The following ZFHX3 variants were observed in gnomAD, a reference collection of about 807,000 sequenced individuals.
The protein encoded by ZFHX3 is zinc finger homeobox protein 3.
A neutral mutation model predicts 279.1 loss-of-function variants in ZFHX3; 42 were observed. The observed-to-expected ratio is 0.15, with a 90% CI of 0.12 to 0.19. The LOEUF is 0.19. ZFHX3 is among the 10% of genes least tolerant of loss of function. The probability of loss-of-function intolerance (pLI) is 1.00; values close to 1 mark genes in which losing one functional copy is unlikely to be tolerated. For synonymous variants in ZFHX3, 2,293 were observed against 1,957.8 expected, an observed-to-expected ratio of 1.17 and a Z score of -4.52; for missense variants, 4,981 against 4,754.0, an observed-to-expected ratio of 1.05 and a Z score of -1.40.
intron 4 of ZFHX3, among the ~76,000 whole-genome samples, chr16:73,290,159 G>C (rs1432002830): frequency 6.6e-6 from 1 of 152,162 alleles, no homozygotes; most frequent in African/African-American, 2.4e-5. Context: ...CTAGGCACAG[G>C]GGAATCAGGA....
chr16:73,818,965 T>C (rs1287240321), intron 1 of ZFHX3, among the ~76,000 whole-genome samples: 3 of 152,084 alleles, frequency 2.0e-5, no homozygotes, highest in African/African-American at 7.2e-5. Context: ...GAGAACTCAG[T>C]GAAATAATCA....
At chr16:73,655,819 G>A (rs2052716507) in intron 2 of ZFHX3, among the ~76,000 whole-genome samples, 1 of 152,128 alleles carries the variant, frequency 6.6e-6, no homozygotes, top group Non-Finnish European at 1.5e-5. Flanking sequence ...TAGTCATGCT[G>A]AAGATGTCAT....
At chr16:73,855,489 C>T (rs1456622589) in intron 1 of ZFHX3, among the ~76,000 whole-genome samples, 5 of 151,112 alleles carry the variant, frequency 3.3e-5, no homozygotes, top group East Asian at 1.9e-4. Context: ...TCCAGTAACA[C>T]GGGGTTTTTT....
chr16:73,468,251 CCAGGATGACTGTCCCCATCTTCCAGGCAG>C (rs2018605572), intron 2 of ZFHX3, among the ~76,000 whole-genome samples: 1 of 152,110 alleles, frequency 6.6e-6, no homozygotes, highest in Non-Finnish European at 1.5e-5. Context: ...GCCTCCTGGC[CCAGGATGACTGTCCCCATCTTCCAGGCAG>C]CAGGATGATG....
chr16:73,482,744 A>T (rs531492491), intron 2 of ZFHX3, among the ~76,000 whole-genome samples: 1 of 152,216 alleles, frequency 6.6e-6, no homozygotes, highest in Admixed American at 6.5e-5. Context: ...TCCACTGTAT[A>T]GAATATTGAT....
chr16:73,651,802 C>A (rs766547829), intron 2 of ZFHX3, among the ~76,000 whole-genome samples: 1 of 146,304 alleles, frequency 6.8e-6, no homozygotes, highest in Non-Finnish European at 1.5e-5. Flanking sequence ...GAGCAGTGAG[C>A]GCAGATCACG....
rs188327843 is a variant in ZFHX3, at chr16:73,148,684, C to G, written c.-1103-4853G>C. On this transcript the variant is annotated intron_variant, in intron 5 of 17. Transcript: ENST00000641206. ...AAGTTGGGTTGGGCATGGTGGCTCACGTCTATAATCTCAGCACTTCAGGAG... is the reference window on the plus strand; with the variant it reads ...AAGTTGGGTTGGGCATGGTGGCTCAGGTCTATAATCTCAGCACTTCAGGAG... Among the ~76,000 whole-genome samples, 3 of 149,638 alleles carry G rather than the reference C, an allele frequency of 2.0e-5. No homozygotes were observed. In the East Asian group the frequency reaches 5.9e-4, roughly 30 times the overall value.
chr16:73,859,297 C>T (rs887719891), intron 1 of ZFHX3, among the ~76,000 whole-genome samples: 10 of 152,268 alleles, frequency 6.6e-5, no homozygotes, highest in East Asian at 1.9e-4. Context: ...TTATGTTACC[C>T]GGCTGGGGAG....
intron 3 of ZFHX3, among the ~76,000 whole-genome samples, chr16:72,936,777 T>C (rs1456440374): frequency 6.6e-6 from 1 of 152,066 alleles, no homozygotes; most frequent in South Asian, 2.1e-4. Context: ...TGGAAAGCCT[T>C]TGTGGGGTCT....
At chr16:73,464,174 G>A (rs2018521271) in intron 2 of ZFHX3, among the ~76,000 whole-genome samples, 1 of 152,082 alleles carries the variant, frequency 6.6e-6, no homozygotes, top group African/African-American at 2.4e-5. Context: ...TAAAGGGAGA[G>A]AGAAAGGGAA....
intron 5 of ZFHX3, among the ~76,000 whole-genome samples, chr16:73,188,185 A>G (rs1967956942): frequency 6.6e-6 from 1 of 151,420 alleles, no homozygotes; most frequent in Non-Finnish European, 1.5e-5. Context: ...TAACAGGGAT[A>G]TCTTTATTAT....
intron 3 of ZFHX3, among the ~76,000 whole-genome samples, chr16:73,445,939 T>C (rs571505250): frequency 1.3e-5 from 2 of 152,354 alleles, no homozygotes; most frequent in African/African-American, 4.8e-5. Context: ...AGTTGAAACT[T>C]GCTGGATAAT....
intron 3 of ZFHX3, among the ~76,000 whole-genome samples, chr16:73,364,283 A>C (rs2016489417): frequency 6.6e-6 from 1 of 151,346 alleles, no homozygotes; most frequent in Non-Finnish European, 1.5e-5. Flanking sequence ...CTGTGATTTG[A>C]TTTCTGACTG....
intron 1 of ZFHX3, among the ~76,000 whole-genome samples, chr16:73,045,041 G>A (rs1965242670): frequency 6.6e-6 from 1 of 152,170 alleles, no homozygotes; most frequent in East Asian, 1.9e-4. Flanking sequence ...AGATGACACT[G>A]TTACAACTCT....
intron 3 of ZFHX3, among the ~76,000 whole-genome samples, chr16:73,449,382 C>G (rs2018245212): frequency 6.6e-6 from 1 of 152,122 alleles, no homozygotes; most frequent in Non-Finnish European, 1.5e-5. Context: ...TAAAAACAAG[C>G]TGGGCATAGT....
At position 73,565,334 on chromosome 16, in the gene ZFHX3, T is replaced by C. The variant is rs531459711; in HGVS notation, c.-1546-109076A>G. The stretch of plus-strand genomic sequence containing the variant: ...AAGTAGTGAGGTTCTACAAAACTTA[T>C]CAATTTTACTCTTTAGTTTCACATT... On this transcript the variant is annotated intron_variant, in intron 2 of 17. Transcript: ENST00000641206. Among the ~76,000 whole-genome samples the C allele has an allele frequency of 2.9e-3, 441 of 152,210 alleles. 1 individual carries two copies. Among genetic ancestry groups the C allele is most frequent in the Middle Eastern group, 6.8e-3 (2 of 294 alleles).
intron 6 of ZFHX3, among the ~76,000 whole-genome samples, chr16:73,135,582 G>A (rs139459671): frequency 6.6e-6 from 1 of 152,286 alleles, no homozygotes; most frequent in East Asian, 1.9e-4. Context: ...TATGACCTAT[G>A]AACTGAATGT....
At chr16:73,587,877 G>A (rs2051943972) in intron 2 of ZFHX3, among the ~76,000 whole-genome samples, 1 of 152,132 alleles carries the variant, frequency 6.6e-6, no homozygotes. Flanking sequence ...ATTTTGACCT[G>A]TACAAACAGC....
chr16:73,074,607 G>A (rs1965864392), intron 8 of ZFHX3, among the ~76,000 whole-genome samples: 1 of 151,438 alleles, frequency 6.6e-6, no homozygotes, highest in Non-Finnish European at 1.5e-5. Flanking sequence ...CGACAATGAT[G>A]ACGACAATGA....
Sources: allele counts gnomAD v4.1 joint callset (sites outside exome capture counted in the v4.1 genomes callset), GRCh38; gene constraint gnomAD v4.1.1; transcripts MANE v1.5; gene names NCBI Gene and HGNC (gene_info 2026-07-23, HGNC 2026-07-21).